DOCK4: variants seen among roughly 807,000 people sequenced by gnomAD.
The protein encoded by DOCK4 is dedicator of cytokinesis protein 4.
A neutral mutation model predicts 268.1 loss-of-function variants in DOCK4; 97 were observed. The ratio of observed to expected loss-of-function variants is 0.36; its 90% CI spans 0.31 to 0.43. The LOEUF (loss-of-function observed/expected upper bound fraction) is 0.43, where lower values mean the gene tolerates loss of function less well. DOCK4 is among the 20% of genes least tolerant of loss of function. The pLI, the probability that DOCK4 is intolerant of heterozygous loss-of-function variation, is 1.00. For synonymous variants in DOCK4, 954 were observed against 887.2 expected (o/e 1.08, Z -1.34); for missense variants, 2,145 against 2,455.7 (o/e 0.87, Z 2.67).
chr7:111,887,499 ACAT>A (rs1240416133), intron 16 of DOCK4, among the ~76,000 whole-genome samples: 5 of 152,162 alleles, frequency 3.3e-5, no homozygotes. Flanking sequence ...ACTCAGGAGC[ACAT>A]CGTCAGGCCA....
intron 23 of DOCK4, among the ~76,000 whole-genome samples, chr7:111,855,747 A>G (rs1804949447): frequency 6.6e-6 from 1 of 152,206 alleles, no homozygotes; most frequent in East Asian, 1.9e-4. Context: ...TTATCATATT[A>G]TAATTATTTG....
At chr7:112,195,932 G>C (rs982388432) in intron 1 of DOCK4, among the ~76,000 whole-genome samples, 1 of 152,254 alleles carries the variant, frequency 6.6e-6, no homozygotes, top group South Asian at 2.1e-4. Flanking sequence ...GGGCACAAAT[G>C]GGGGAGGAGA....
At chr7:111,729,730 A>G (rs1436295884) in intron 52 of DOCK4, among the ~76,000 whole-genome samples, 1 of 152,176 alleles carries the variant, frequency 6.6e-6, no homozygotes, top group African/African-American at 2.4e-5. Flanking sequence ...GCCGCTGAGC[A>G]CACTCAGCTC....
chr7:111,895,416 T>C (rs1176334316), intron 16 of DOCK4, among the ~76,000 whole-genome samples, 196 bp downstream of exon 16: 1 of 152,140 alleles, frequency 6.6e-6, no homozygotes, highest in Non-Finnish European at 1.5e-5. Context: ...GATGAAAACA[T>C]AAATCATCTC....
rs865902792 is a variant in DOCK4, at chr7:112,023,521, A to C, written c.38-19390T>G. 5.8e-5 allele frequency: 21 copies of C among 364,958 alleles called. No homozygotes were observed. The Middle Eastern group carries it at 4.5e-3, about 78-fold the overall frequency. 22.6% of individuals were successfully genotyped at this position (364,958 alleles called of 1,614,324 possible). A position where few individuals can be genotyped will look rare whatever the true frequency, so the allele number is the denominator to read the frequency against. ...TCACGGAGCAAAAGCTCAGGAAGAAAGCACAACATTAGATGACATCATGCC... is the reference window on the plus strand; with the variant it reads ...TCACGGAGCAAAAGCTCAGGAAGAACGCACAACATTAGATGACATCATGCC... On this transcript the variant is annotated intron_variant, in intron 1 of 52. Coordinates refer to ENST00000428084, the MANE Select transcript of DOCK4 (RefSeq NM_001363540.2).
At chr7:111,809,943 A>G (rs2133901940) in intron 28 of DOCK4, among the ~76,000 whole-genome samples, 1 of 152,272 alleles carries the variant, frequency 6.6e-6, no homozygotes, top group South Asian at 2.1e-4. Flanking sequence ...ACCAAAAAAC[A>G]GAATCAGAAA....
intron 1 of DOCK4, among the ~76,000 whole-genome samples, chr7:112,174,404 G>A (rs747872473): frequency 9.2e-5 from 14 of 151,924 alleles, no homozygotes; most frequent in Non-Finnish European, 1.9e-4. Context: ...ATTCTATCAC[G>A]AAAAGGTATG....
At chr7:111,982,486 A>C (rs928583052) in intron 7 of DOCK4, among the ~76,000 whole-genome samples, 1 of 152,232 alleles carries the variant, frequency 6.6e-6, no homozygotes, top group Non-Finnish European at 1.5e-5. Context: ...CATGTTGTGC[A>C]AATATTATCT....
intron 23 of DOCK4, among the ~76,000 whole-genome samples, chr7:111,855,472 AG>A (rs1307026457): frequency 2.6e-5 from 4 of 152,178 alleles, no homozygotes; most frequent in Non-Finnish European, 4.4e-5. Context: ...AAGCTCAGAG[AG>A]AAAAAAGTTG....
chr7:111,969,009 A>G (rs1797468279), intron 8 of DOCK4, among the ~76,000 whole-genome samples: 2 of 98,368 alleles, frequency 2.0e-5, no homozygotes, highest in African/African-American at 9.3e-5. Flanking sequence ...GAATTGAACA[A>G]TGAGATCACA....
At chr7:112,106,038 C>T (rs538580221) in intron 1 of DOCK4, among the ~76,000 whole-genome samples, 16 of 152,268 alleles carry the variant, frequency 1.1e-4, no homozygotes, top group African/African-American at 3.1e-4. Flanking sequence ...TAAGGGGCAA[C>T]GGACCACAAC....
At chr7:111,864,256 A>C (rs1805792452) in intron 22 of DOCK4, among the ~76,000 whole-genome samples, 2 of 151,930 alleles carry the variant, frequency 1.3e-5, no homozygotes, top group Admixed American at 1.3e-4. Flanking sequence ...AAAAAAAAAA[A>C]ACCCGATCAT....
chr7:111,777,533 G>A (rs1348231561), intron 36 of DOCK4, among the ~76,000 whole-genome samples: 1 of 152,176 alleles, frequency 6.6e-6, no homozygotes, highest in Non-Finnish European at 1.5e-5. Flanking sequence ...GACTTTCAAT[G>A]TATGTAGATG....
intron 1 of DOCK4, among the ~76,000 whole-genome samples, chr7:112,071,533 T>C (rs577522701): frequency 2.0e-5 from 3 of 152,276 alleles, no homozygotes; most frequent in African/African-American, 4.8e-5. Flanking sequence ...TGCAAACATA[T>C]AAAAAATTAA....
intron 1 of DOCK4, among the ~76,000 whole-genome samples, chr7:112,020,101 C>A (rs944982536): frequency 6.6e-6 from 1 of 152,218 alleles, no homozygotes; most frequent in Admixed American, 6.5e-5. Flanking sequence ...TCAATCACCA[C>A]CTGCTCCGCA....
intron 1 of DOCK4, among the ~76,000 whole-genome samples, chr7:112,124,777 T>A (rs1054719778): frequency 1.3e-5 from 2 of 152,236 alleles, no homozygotes; most frequent in Non-Finnish European, 2.9e-5. Context: ...TTATTTTTCA[T>A]TGAAGGAACC....
At chr7:112,176,629 A>G (rs1696505772) in intron 1 of DOCK4, among the ~76,000 whole-genome samples, 1 of 152,180 alleles carries the variant, frequency 6.6e-6, no homozygotes, top group African/African-American at 2.4e-5. Flanking sequence ...CAAATCTGCC[A>G]ATTACTATAT....
In DOCK4 at chr7:111,998,366, A is replaced by T. The variant is rs1800138020; in HGVS notation, c.218+82T>A. The T allele has an allele frequency of 2.7e-6, 3 of 1,104,346 alleles. No homozygotes were observed. The South Asian group carries it at 4.9e-5, about 18-fold the overall frequency. 68.4% of individuals were successfully genotyped at this position (1,104,346 alleles called of 1,614,324 possible). A position where few individuals can be genotyped will look rare whatever the true frequency, so the allele number is the denominator to read the frequency against. ...GATCTTCTACAGTTCATTTTTCAAG[A>T]CAATTACTATGCCTTTCAAATTCCA... On this transcript the variant is annotated intron_variant, in intron 4 of 52. Coordinates refer to ENST00000428084, the MANE Select transcript of DOCK4 (RefSeq NM_001363540.2).
intron 26 of DOCK4, among the ~76,000 whole-genome samples, chr7:111,831,770 T>A (rs118105275): frequency 0.018 from 2,682 of 152,254 alleles, 37 homozygotes; most frequent in Middle Eastern, 0.048. Context: ...ATTACAGGCA[T>A]GAGGTACCGT....
Sources: gnomAD v4.1 joint callset for allele counts (sites outside exome capture counted in the v4.1 genomes callset) on GRCh38, gnomAD v4.1.1 for gene constraint, MANE v1.5 for transcripts, NCBI Gene and HGNC (gene_info 2026-07-23, HGNC 2026-07-21) for gene names.